Variants in PTPRD observed in about 807,000 individuals in gnomAD.
PTPRD encodes receptor-type tyrosine-protein phosphatase delta.
A neutral mutation model predicts 214.5 loss-of-function variants in PTPRD; 34 were observed. The observed-to-expected ratio is 0.16, with a 90% CI of 0.12 to 0.21. The LOEUF (loss-of-function observed/expected upper bound fraction) is 0.21. PTPRD is among the 10% of genes least tolerant of loss of function. The pLI, the probability that PTPRD is intolerant of heterozygous loss-of-function variation, is 1.00. For synonymous variants in PTPRD, 1,128 were observed against 845.7 expected (o/e 1.33, Z -5.79); for missense variants, 2,545 against 2,398.7 (o/e 1.06, Z -1.27).
At chr9:9,926,703 G>C (rs774360105) in intron 5 of PTPRD, among the ~76,000 whole-genome samples, 7 of 152,086 alleles carry the variant, frequency 4.6e-5, no homozygotes, top group Non-Finnish European at 8.8e-5. Context: ...TTTCTAACTA[G>C]GGTTAATGTG....
chr9:9,466,442 CA>C (rs1169153067), intron 8 of PTPRD, among the ~76,000 whole-genome samples: 1 of 152,066 alleles, frequency 6.6e-6, no homozygotes. Flanking sequence ...CTGCAGAGTA[CA>C]AATCACTGTA....
At chr9:9,812,994 A>G (rs1372388079) in intron 5 of PTPRD, among the ~76,000 whole-genome samples, 1 of 148,352 alleles carries the variant, frequency 6.7e-6, no homozygotes, top group African/African-American at 2.6e-5. Context: ...CTAGAAGTCT[A>G]TAAGAGGAGA....
At chr9:8,390,494 C>T (rs1307109485) in intron 36 of PTPRD, among the ~76,000 whole-genome samples, 1 of 152,132 alleles carries the variant, frequency 6.6e-6, no homozygotes, top group Non-Finnish European at 1.5e-5. Flanking sequence ...ACTCCCTTGA[C>T]AGCCCTTTAT....
intron 10 of PTPRD, among the ~76,000 whole-genome samples, chr9:9,114,568 G>A (rs1183899428): frequency 6.6e-6 from 1 of 152,076 alleles, no homozygotes; most frequent in African/African-American, 2.4e-5. Flanking sequence ...GAGACCCAGT[G>A]TATATGTCAT....
rs755715933 is a variant in PTPRD at position 8,501,055 on chromosome 9, C to T, written c.1827G>A (p.Pro609=). The change falls in exon 24 of 46, where the codon CCG becomes CCA. Residue 609 remains proline, a synonymous_variant. Coordinates refer to ENST00000381196, the MANE Select transcript of PTPRD (RefSeq NM_002839.4). The stretch of plus-strand genomic sequence containing the variant: ...AACTAATGTCTTGAGGAGGAGCTGA[C>T]GGCTCTTATTTTGGTAGTGAGTTAA... ...EISARTMQSK[P]SAPPQDISCT... The T allele has an allele frequency of 8.7e-6, 14 of 1,609,046 alleles. No individual in the cohort carries two copies. The highest frequency in any genetic ancestry group is 3.4e-5 in the Admixed American group (2 of 59,676).
At chr9:10,061,398 T>C (rs527328574) in intron 3 of PTPRD, among the ~76,000 whole-genome samples, 2 of 152,230 alleles carry the variant, frequency 1.3e-5, no homozygotes, top group Admixed American at 6.5e-5. Context: ...TCAGATTACA[T>C]TGCTTAGCAT....
chr9:9,114,837 G>C (rs1426641422), intron 10 of PTPRD, among the ~76,000 whole-genome samples: 1 of 152,114 alleles, frequency 6.6e-6, no homozygotes, highest in African/African-American at 2.4e-5. Flanking sequence ...TTATCTAGAA[G>C]ATACGTTATT....
At chr9:8,615,297 T>A (rs561598488) in intron 14 of PTPRD, among the ~76,000 whole-genome samples, 1 of 152,104 alleles carries the variant, frequency 6.6e-6, no homozygotes, top group Non-Finnish European at 1.5e-5. Context: ...TTGATGAGCA[T>A]GCAATTAAAC....
chr9:10,507,134 G>A (rs1186497640), intron 2 of PTPRD, among the ~76,000 whole-genome samples: 1 of 152,104 alleles, frequency 6.6e-6, no homozygotes, highest in Non-Finnish European at 1.5e-5. Flanking sequence ...AAAATCACAA[G>A]CATTCTTATA....
intron 2 of PTPRD, among the ~76,000 whole-genome samples, chr9:10,474,954 G>C (rs575020029): frequency 6.6e-6 from 1 of 152,092 alleles, no homozygotes; most frequent in South Asian, 2.1e-4. Context: ...AAGAGACAAC[G>C]TACCAGTGTC....
intron 27 of PTPRD, among the ~76,000 whole-genome samples, chr9:8,492,610 T>C (rs1459485886): frequency 9.5e-6 from 1 of 104,774 alleles, no homozygotes; most frequent in African/African-American, 5.4e-5. Flanking sequence ...ACACAGAAGG[T>C]GCTCAAAAAA....
rs559864771 is a variant in PTPRD at position 10,480,387 on chromosome 9, A to C, written c.-600+132011T>G. 5.3e-5 allele frequency among the ~76,000 whole-genome samples: 8 copies of C among 152,350 alleles called. No homozygotes were observed. In the South Asian group the frequency reaches 6.2e-4, roughly 12 times the overall value. On this transcript the variant is annotated intron_variant, in intron 2 of 45. Transcript: ENST00000381196. Reference sequence around the variant, plus strand: ...GATTATAAGGGGAATGAAGCAAGCTAGTATTACAAGGGGAAGAAAGTAAGT... The same window carrying C: ...GATTATAAGGGGAATGAAGCAAGCTCGTATTACAAGGGGAAGAAAGTAAGT...
chr9:9,537,275 C>T (rs1046586925), intron 8 of PTPRD, among the ~76,000 whole-genome samples: 3 of 151,814 alleles, frequency 2.0e-5, no homozygotes, highest in African/African-American at 7.3e-5. Flanking sequence ...GAAGTTTTAA[C>T]GAACTTCTGT....
chr9:9,366,479 C>T (rs1399674423), intron 9 of PTPRD, among the ~76,000 whole-genome samples: 1 of 151,334 alleles, frequency 6.6e-6, no homozygotes, highest in African/African-American at 2.4e-5. Flanking sequence ...ATTTATAATG[C>T]CAAGTGAGAT....
At chr9:8,849,892 G>A (rs2097778910) in intron 11 of PTPRD, among the ~76,000 whole-genome samples, 1 of 152,172 alleles carries the variant, frequency 6.6e-6, no homozygotes. Context: ...AAGACTCAAA[G>A]AGGAGAAATG....
Position 8,439,935 on chromosome 9 carries a change from ATTTTTTTTTT to A in PTPRD, c.3989-3256_3989-3247del, listed in dbSNP as rs1166530719. ...CATTTAAATTACTTGATGTGCTTTA[ATTTTTTTTTT>A]TTTTTTTTTTTTTTTTTTTTTGCAG... On this transcript the variant is annotated intron_variant, in intron 34 of 45. Transcript: ENST00000381196. 2.6e-4 allele frequency among the ~76,000 whole-genome samples: 19 copies of A among 73,322 alleles called. No homozygotes were observed. In the South Asian group the frequency reaches 5.7e-3, roughly 22 times the overall value. The allele number at this position is 73,322 out of a possible 152,430, so 48.1% of individuals were successfully genotyped here. A position where few individuals can be genotyped will look rare whatever the true frequency, so the allele number is the denominator to read the frequency against.
intron 12 of PTPRD, among the ~76,000 whole-genome samples, chr9:8,682,338 C>T (rs761844158): frequency 6.6e-6 from 1 of 151,914 alleles, no homozygotes; most frequent in Non-Finnish European, 1.5e-5. Context: ...AACAGGAGTT[C>T]CCAGGGAGGA....
At chr9:8,411,488 G>C (rs2093518772) in intron 35 of PTPRD, among the ~76,000 whole-genome samples, 2 of 152,150 alleles carry the variant, frequency 1.3e-5, no homozygotes, top group African/African-American at 4.8e-5. Flanking sequence ...ATTTTTAGTA[G>C]AGGCAGGGTT....
intron 12 of PTPRD, among the ~76,000 whole-genome samples, chr9:8,694,815 T>C (rs1245922260): frequency 6.6e-6 from 1 of 152,192 alleles, no homozygotes; most frequent in African/African-American, 2.4e-5. Flanking sequence ...AATCTTAAAA[T>C]ATGTACCTTC....
Sources: allele counts gnomAD v4.1 joint callset (sites outside exome capture counted in the v4.1 genomes callset), GRCh38; gene constraint gnomAD v4.1.1; transcripts MANE v1.5; gene names NCBI Gene and HGNC (gene_info 2026-07-23, HGNC 2026-07-21).